HCN1: variants seen among roughly 807,000 people sequenced by gnomAD.
HCN1 encodes the protein potassium/sodium hyperpolarization-activated cyclic nucleotide-gated channel 1.
Under a neutral mutation model 78.9 loss-of-function variants are expected in HCN1, and 13 were observed. The ratio of observed to expected loss-of-function variants is 0.16; its 90% confidence interval spans 0.11 to 0.26. The LOEUF is 0.26. Ranked by LOEUF, HCN1 falls within the 10% of genes least tolerant of loss-of-function variation. The pLI is 1.00. For missense variants in HCN1, 810 were observed against 1,154.3 expected (o/e 0.70, Z 4.32); for synonymous variants, 552 against 455.5 (o/e 1.21, Z -2.70).
chr5:45,603,599 A>G lies in HCN1; in HGVS notation c.849+41586T>C, dbSNP rs111923526. Among the ~76,000 whole-genome samples, 783 of 152,170 alleles carry G rather than the reference A, an allele frequency of 5.1e-3. 5 individuals carry two copies. The highest frequency in any genetic ancestry group is 0.018 in the African/African-American group (746 of 41,542). On this transcript the variant is annotated intron_variant, in intron 2 of 7. Coordinates refer to ENST00000303230, the MANE Select transcript of HCN1 (RefSeq NM_021072.4). ...AGCATTGAATGGTTGAATTTGTTAT[A>G]GGGAAAATCAGATACAAGGCTTCCT... is the stretch of plus-strand genomic sequence containing the variant.
intron 2 of HCN1, among the ~76,000 whole-genome samples, chr5:45,588,277 TTAA>T (rs1479334947): frequency 6.6e-6 from 1 of 152,154 alleles, no homozygotes; most frequent in Non-Finnish European, 1.5e-5. Flanking sequence ...ACACAATGAA[TTAA>T]TAAGTTTGTC....
At chr5:45,537,523 C>CTTTTGTT (rs1742991721) in intron 2 of HCN1, among the ~76,000 whole-genome samples, 1 of 25,744 alleles carries the variant, frequency 3.9e-5, no homozygotes, top group Non-Finnish European at 6.5e-5. Context: ...AACTCTAAGT[C>CTTTTGTT]TTTTTTTTTT....
chr5:45,273,518 T>C (rs1377682171), intron 6 of HCN1, among the ~76,000 whole-genome samples: 1 of 152,088 alleles, frequency 6.6e-6, no homozygotes, highest in Non-Finnish European at 1.5e-5. Context: ...TTTCCTGACC[T>C]CTAAAACTGA....
At chr5:45,371,574 C>G (rs758077360) in intron 4 of HCN1, among the ~76,000 whole-genome samples, 14 of 151,182 alleles carry the variant, frequency 9.3e-5, no homozygotes, top group Non-Finnish European at 1.3e-4. Flanking sequence ...CTGGACAACA[C>G]AGTGAAACCC....
rs1241826469 is a variant in HCN1 at position 45,259,195 on chromosome 5, A to C, written c.*2726T>G. The C allele has an allele frequency of 6.6e-6, 1 of 151,998 alleles. No homozygotes were observed. Among genetic ancestry groups the C allele is most frequent in the Non-Finnish European group, 1.5e-5 (1 of 67,906 alleles). The allele number at this position is 151,998 out of a possible 1,614,324, so 9.4% of individuals were successfully genotyped here. On this transcript the variant is annotated 3_prime_UTR_variant, in exon 8 of 8. Transcript: ENST00000303230. Reference sequence around the variant, plus strand: ...AAATAGAGGCAAAGCTGTACTCATTAATAAAATAAAACATTTGATTAGCAT... The same window carrying C: ...AAATAGAGGCAAAGCTGTACTCATTCATAAAATAAAACATTTGATTAGCAT...
intron 3 of HCN1, among the ~76,000 whole-genome samples, chr5:45,404,912 A>C (rs1739891705): frequency 6.6e-6 from 1 of 152,148 alleles, no homozygotes; most frequent in East Asian, 1.9e-4. Flanking sequence ...TATCAGAATT[A>C]ATTTTTCTTT....
chr5:45,279,641 A>G (rs781006177), intron 6 of HCN1, among the ~76,000 whole-genome samples: 2 of 152,130 alleles, frequency 1.3e-5, no homozygotes, highest in Admixed American at 6.6e-5. Flanking sequence ...ATAAAATCTC[A>G]TATGTTCCTT....
intron 2 of HCN1, among the ~76,000 whole-genome samples, chr5:45,639,897 C>T (rs1437117950): frequency 6.6e-6 from 1 of 152,090 alleles, no homozygotes; most frequent in African/African-American, 2.4e-5. Flanking sequence ...TTGATTAAGT[C>T]CATCATTAGC....
In HCN1 at chr5:45,417,211, AT is replaced by A. The variant is rs575506525; in HGVS notation, c.1012-20502del. Among the ~76,000 whole-genome samples, 5 of 151,718 alleles carry A rather than the reference AT, an allele frequency of 3.3e-5. No individual in the cohort carries two copies. The East Asian group carries it at 7.7e-4, about 24-fold the overall frequency. On this transcript the variant is annotated intron_variant, in intron 3 of 7. Coordinates refer to ENST00000303230, the MANE Select transcript of HCN1 (RefSeq NM_021072.4). ...CTCACGGTATCTATTGAAAGTTGAC[AT>A]TTTTTTTGTCTCTAGGTGTACAACC...
intron 2 of HCN1, among the ~76,000 whole-genome samples, chr5:45,475,332 T>C (rs1176673913): frequency 6.6e-6 from 1 of 152,084 alleles, no homozygotes; most frequent in African/African-American, 2.4e-5. Flanking sequence ...TTGTTTTTAT[T>C]ATGACACAGA....
chr5:45,454,551 T>A (rs770181687), intron 3 of HCN1, among the ~76,000 whole-genome samples: 22 of 151,926 alleles, frequency 1.4e-4, no homozygotes, highest in Non-Finnish European at 2.4e-4. Context: ...TTTTAAAAAA[T>A]TAATATTATC....
At chr5:45,547,356 T>C (rs1292780470) in intron 2 of HCN1, among the ~76,000 whole-genome samples, 7 of 151,988 alleles carry the variant, frequency 4.6e-5, no homozygotes, top group Admixed American at 4.6e-4. Flanking sequence ...ATTTTTGCTC[T>C]ATTCAATATG....
chr5:45,438,807 T>G (rs921888204), intron 3 of HCN1, among the ~76,000 whole-genome samples: 3 of 152,078 alleles, frequency 2.0e-5, no homozygotes, highest in African/African-American at 7.2e-5. Flanking sequence ...TCTTAACATA[T>G]AGTAAGCACA....
intron 4 of HCN1, among the ~76,000 whole-genome samples, chr5:45,372,259 T>A (rs1399206762): frequency 2.0e-5 from 1 of 49,986 alleles, no homozygotes; most frequent in Non-Finnish European, 3.0e-5. Flanking sequence ...TAATATATAT[T>A]TATATATATA....
intron 5 of HCN1, among the ~76,000 whole-genome samples, chr5:45,321,217 T>C (rs931434063): frequency 6.6e-6 from 1 of 151,886 alleles, no homozygotes; most frequent in South Asian, 2.1e-4. Context: ...AAATTAGGGA[T>C]GTAGAAAGAG....
intron 5 of HCN1, among the ~76,000 whole-genome samples, chr5:45,335,810 C>G (rs950221490): frequency 1.3e-5 from 2 of 151,934 alleles, no homozygotes; most frequent in African/African-American, 2.4e-5. Flanking sequence ...GATCATTATT[C>G]ACATTTCAAG....
intron 2 of HCN1, among the ~76,000 whole-genome samples, chr5:45,499,810 G>C (rs1382332124): frequency 6.6e-6 from 1 of 152,104 alleles, no homozygotes; most frequent in Middle Eastern, 3.2e-3. Context: ...TAGTAGAAAT[G>C]AAAGGCTTGA....
rs1265325039 is a variant in HCN1, at chr5:45,255,968, G to C, written c.*5953C>G. On this transcript the variant is annotated 3_prime_UTR_variant, in exon 8 of 8. Transcript: ENST00000303230. Reference sequence around the variant, plus strand: ...ATATAATCTATTGGAAACATAAAGTGGTCCTCTTTTGAAGAATTATTATAT... The same window carrying C: ...ATATAATCTATTGGAAACATAAAGTCGTCCTCTTTTGAAGAATTATTATAT... 6.6e-6 allele frequency: 1 copy of C among 151,982 alleles called. No individual in the cohort carries two copies. Among genetic ancestry groups the C allele is most frequent in the African/African-American group, 2.4e-5 (1 of 41,376 alleles). The allele number at this position is 151,982 out of a possible 1,614,324, so 9.4% of individuals were successfully genotyped here.
intron 5 of HCN1, among the ~76,000 whole-genome samples, chr5:45,343,853 A>C (rs1211636796): frequency 6.6e-6 from 1 of 151,936 alleles, no homozygotes; most frequent in Non-Finnish European, 1.5e-5. Flanking sequence ...GCCAAAAAAA[A>C]ATTAAAAATA....
Sources: gnomAD v4.1 joint callset for allele counts (sites outside exome capture counted in the v4.1 genomes callset) on GRCh38, gnomAD v4.1.1 for gene constraint, MANE v1.5 for transcripts, NCBI Gene and HGNC (gene_info 2026-07-23, HGNC 2026-07-21) for gene names.